The following DENND2B variants were observed in gnomAD, a reference collection of about 807,000 sequenced individuals.
DENND2B encodes the protein DENN domain-containing protein 2B.
A neutral mutation model predicts 116.0 loss-of-function variants in DENND2B; 32 were observed. That is an observed-to-expected ratio of 0.28 (90% CI 0.21 to 0.37). The LOEUF is 0.37. Ranked by LOEUF, DENND2B falls within the 10% of genes least tolerant of loss-of-function variation. The probability of loss-of-function intolerance (pLI) is 1.00; values close to 1 mark genes in which losing one functional copy is unlikely to be tolerated. For synonymous variants in DENND2B, 588 were observed against 583.9 expected (o/e 1.01, Z -0.10); for missense variants, 1,276 against 1,477.7 (o/e 0.86, Z 2.24).
intron 11 of DENND2B, 54 bp downstream of exon 11, chr11:8,710,791 A>ACACC (rs778041856): frequency 7.5e-7 from 1 of 1,338,600 alleles, no homozygotes; most frequent in African/African-American, 1.5e-5. Context: ...ACACACACAC[A>ACACC]CACCCTGGCC....
intron 4 of DENND2B, among the ~76,000 whole-genome samples, chr11:8,821,456 G>A (rs1030456191): frequency 6.6e-5 from 10 of 151,600 alleles, no homozygotes; most frequent in Non-Finnish European, 1.2e-4. Context: ...GCACAAGCCT[G>A]TAGTCCCCGC....
chr11:8,835,560 A>G (rs2062387649), intron 4 of DENND2B: 2 of 152,226 alleles, frequency 1.3e-5, no homozygotes, highest in Admixed American at 1.3e-4. Context: ...AGAAGGAAAG[A>G]TGGGGATTAA....
At chr11:8,901,553 T>G (rs1469299682) in intron 1 of DENND2B, among the ~76,000 whole-genome samples, 2 of 152,126 alleles carry the variant, frequency 1.3e-5, no homozygotes, top group African/African-American at 2.4e-5. Flanking sequence ...GGTAGAAACT[T>G]AGGTTATTGA....
intron 2 of DENND2B, among the ~76,000 whole-genome samples, chr11:8,741,095 G>A (rs188021767): frequency 3.3e-5 from 5 of 152,348 alleles, no homozygotes; most frequent in Admixed American, 2.0e-4. Context: ...GCCCTCAACA[G>A]GGTCCAGGGC....
At position 8,883,484 on chromosome 11, in the gene DENND2B, A is replaced by C. The variant is rs557586636; in HGVS notation, c.-255-2375T>G. ...TTGGTTTGATTTTCTTTTTCAAACT[A>C]AGCCCTAATGCCAAATCTTACATTT... On this transcript the variant is annotated intron_variant, in intron 1 of 22. Transcript: ENST00000534127. 2.6e-5 allele frequency among the ~76,000 whole-genome samples: 4 copies of C among 152,328 alleles called. No homozygotes were observed. The East Asian group carries it at 7.7e-4, about 29-fold the overall frequency.
In DENND2B at chr11:8,697,549, C is replaced by A. The variant is rs1221396925; in HGVS notation, c.3028G>T (p.Asp1010Tyr). The change falls in exon 17 of 20, where the codon GAC becomes TAC. Residue 1010 changes from aspartate to tyrosine, a missense_variant. Physicochemically the swap from Asp to Tyr is radical, Grantham distance 160 (BLOSUM62 -3). Coordinates refer to ENST00000313726, the MANE Select transcript of DENND2B (RefSeq NM_213618.2). ...LERKNELISQ[D>Y]SDSDSDDECN... Reference sequence around the variant, plus strand: ...CCATCGTCGGAGTCGCTGTCAGAGTCCTGGGAGATCAGCTCATTCTTCCTC... The same window carrying A: ...CCATCGTCGGAGTCGCTGTCAGAGTACTGGGAGATCAGCTCATTCTTCCTC... The A allele has an allele frequency of 6.2e-7, 1 of 1,614,162 alleles. No homozygotes were observed. Among genetic ancestry groups the A allele is most frequent in the Admixed American group, 1.7e-5 (1 of 60,038 alleles).
At chr11:8,729,100 T>C (rs1243845844) in intron 3 of DENND2B, among the ~76,000 whole-genome samples, 1 of 152,128 alleles carries the variant, frequency 6.6e-6, no homozygotes, top group African/African-American at 2.4e-5. Context: ...AAGCCTGAAG[T>C]GTGGGGACAA....
At chr11:8,726,426 T>TA (rs2047093601) in intron 3 of DENND2B, 2 of 504,614 alleles carry the variant, frequency 4.0e-6, no homozygotes, top group Non-Finnish European at 6.9e-6. Context: ...TCCTGAATAA[T>TA]ACCGCTATTA....
intron 2 of DENND2B, among the ~76,000 whole-genome samples, chr11:8,740,184 G>C (rs911257720): frequency 6.7e-6 from 1 of 148,250 alleles, no homozygotes; most frequent in Non-Finnish European, 1.5e-5. Flanking sequence ...GTGAGATCCT[G>C]TCTCAAAAAT....
At chr11:8,717,421 AAG>A (rs2133837181) in intron 5 of DENND2B, among the ~76,000 whole-genome samples, 1 of 152,326 alleles carries the variant, frequency 6.6e-6, no homozygotes, top group East Asian at 1.9e-4. Context: ...AGGAGACTGC[AAG>A]GGCTCCTGGC....
chr11:8,770,162 GT>G lies in DENND2B; in HGVS notation c.-25-19438del, dbSNP rs905207154. ...TATCTAAACTACAATTACTTTGCAA[GT>G]TTCCCTTCTTCCCCAATGCAAAGTA... is the stretch of plus-strand genomic sequence containing the variant. On this transcript the variant is annotated intron_variant, in intron 1 of 19. Coordinates refer to ENST00000313726, the MANE Select transcript of DENND2B (RefSeq NM_213618.2). 6.7e-4 allele frequency among the ~76,000 whole-genome samples: 102 copies of G among 152,250 alleles called. 1 individual carries two copies. Among genetic ancestry groups the G allele is most frequent in the African/African-American group, 2.4e-3 (99 of 41,532 alleles).
At chr11:8,884,976 C>T (rs773487369) in intron 1 of DENND2B, among the ~76,000 whole-genome samples, 20 of 152,192 alleles carry the variant, frequency 1.3e-4, no homozygotes, top group Non-Finnish European at 2.6e-4. Flanking sequence ...CATTTTCTAA[C>T]GGCAGAACTT....
At chr11:8,893,671 C>T (rs1270222468) in intron 1 of DENND2B, among the ~76,000 whole-genome samples, 1 of 152,216 alleles carries the variant, frequency 6.6e-6, no homozygotes, top group South Asian at 2.1e-4. Context: ...AATAAAATAC[C>T]TAGTAATCCA....
At chr11:8,719,576 G>A (rs373850227) in intron 4 of DENND2B, among the ~76,000 whole-genome samples, 9 of 152,168 alleles carry the variant, frequency 5.9e-5, no homozygotes, top group Admixed American at 2.0e-4. Flanking sequence ...CAGCCCTGTC[G>A]CAAGAAGCCA....
upstream of DENND2B, among the ~76,000 whole-genome samples, chr11:8,814,293 G>C (rs2061496755): frequency 1.5e-5 from 1 of 66,160 alleles, no homozygotes. Flanking sequence ...TTTAACACCA[G>C]ATCAGGTCAT....
chr11:8,859,384 T>G (rs1413766463), intron 2 of DENND2B, among the ~76,000 whole-genome samples: 1 of 152,156 alleles, frequency 6.6e-6, no homozygotes, highest in Non-Finnish European at 1.5e-5. Flanking sequence ...CTCGGCTCAC[T>G]GCAAGCTCCG....
At chr11:8,725,378 T>C (rs147858499) in intron 4 of DENND2B, among the ~76,000 whole-genome samples, 2 of 133,242 alleles carry the variant, frequency 1.5e-5, no homozygotes, top group South Asian at 2.4e-4. Flanking sequence ...AATATTACTT[T>C]TTTTTTTTTT....
At chr11:8,905,133 A>G (rs192713631) in intron 1 of DENND2B, among the ~76,000 whole-genome samples, 2 of 152,128 alleles carry the variant, frequency 1.3e-5, no homozygotes, top group Non-Finnish European at 2.9e-5. Flanking sequence ...ATACTTCCCA[A>G]TTTCCAAACT....
At chr11:8,891,720 G>A (rs1205454203) in intron 1 of DENND2B, among the ~76,000 whole-genome samples, 1 of 152,196 alleles carries the variant, frequency 6.6e-6, no homozygotes, top group African/African-American at 2.4e-5. Flanking sequence ...ACCCAATACA[G>A]AAGCACCCAG....
Sources: gnomAD v4.1 joint callset for allele counts (sites outside exome capture counted in the v4.1 genomes callset) on GRCh38, gnomAD v4.1.1 for gene constraint, MANE v1.5 for transcripts, NCBI Gene and HGNC (gene_info 2026-07-23, HGNC 2026-07-21) for gene names.